The following CCNY variants were observed in gnomAD, a reference collection of about 807,000 sequenced individuals.
The protein encoded by CCNY is cyclin-Y.
A neutral mutation model predicts 42.8 loss-of-function variants in CCNY; 19 were observed. That is an observed-to-expected ratio of 0.44 (90% CI 0.31 to 0.65). CCNY has a LOEUF of 0.65. Among genes scored for constraint, CCNY ranks in the 30% least tolerant of loss-of-function variants. The probability of loss-of-function intolerance (pLI) is 0.07; values close to 1 mark genes in which losing one functional copy is unlikely to be tolerated. For missense variants in CCNY, 370 were observed against 437.3 expected, an observed-to-expected ratio of 0.85 and a Z score of 1.37; for synonymous variants, 165 against 162.7, an observed-to-expected ratio of 1.01 and a Z score of -0.11.
rs1197986825 is a variant in CCNY, at chr10:35,524,082, G to A, written c.366-1882G>A. Reference sequence around the variant, plus strand: ...GAAACTAATTCCTCCCTTTCCCAGAGGCTACATGGTCAAAACAGAAGGGCA... The same window carrying A: ...GAAACTAATTCCTCCCTTTCCCAGAAGCTACATGGTCAAAACAGAAGGGCA... On this transcript the variant is annotated intron_variant, in intron 4 of 9. Coordinates refer to ENST00000374704, the MANE Select transcript of CCNY (RefSeq NM_145012.6). Among the ~76,000 whole-genome samples the A allele has an allele frequency of 3.9e-5, 6 of 152,288 alleles. No individual in the cohort carries two copies. In the East Asian group the frequency reaches 1.2e-3, roughly 29 times the overall value.
chr10:35,259,652 A>G (rs4579882), intron 3 of CCNY, among the ~76,000 whole-genome samples: 54,636 of 146,112 alleles, frequency 0.37, 10,560 homozygotes, highest in African/African-American at 0.5. Context: ...ACAGACACAC[A>G]CCATCATGCC....
At chr10:35,546,267 A>C (rs556426491) in intron 7 of CCNY, among the ~76,000 whole-genome samples, 1 of 152,366 alleles carries the variant, frequency 6.6e-6, no homozygotes, top group East Asian at 1.9e-4. Context: ...TAATTTCAGC[A>C]TCATTGGGAT....
intron 1 of CCNY, among the ~76,000 whole-genome samples, chr10:35,371,458 A>G (rs1000797438): frequency 6.6e-6 from 1 of 152,114 alleles, no homozygotes; most frequent in Non-Finnish European, 1.5e-5. Flanking sequence ...CACTCCTTTG[A>G]ACAAGTCACT....
At chr10:35,544,386 CAT>C (rs1427567199) in intron 7 of CCNY, among the ~76,000 whole-genome samples, 3 of 152,306 alleles carry the variant, frequency 2.0e-5, no homozygotes, top group African/African-American at 7.2e-5. Context: ...TCAGTACAGT[CAT>C]GTGCTATACA....
chr10:35,353,048 C>T (rs1291281076), intron 1 of CCNY, among the ~76,000 whole-genome samples: 1 of 152,166 alleles, frequency 6.6e-6, no homozygotes, highest in Non-Finnish European at 1.5e-5. Flanking sequence ...GCTTTAGCCT[C>T]CCGAGTAGCT....
intron 1 of CCNY, among the ~76,000 whole-genome samples, chr10:35,377,162 AT>A (rs1837070721): frequency 6.6e-6 from 1 of 152,150 alleles, no homozygotes; most frequent in South Asian, 2.1e-4. Context: ...TTTTAAAAAA[AT>A]ATATATTTAG....
intron 7 of CCNY, among the ~76,000 whole-genome samples, chr10:35,532,434 G>A (rs1468270462): frequency 6.6e-6 from 1 of 152,250 alleles, no homozygotes; most frequent in African/African-American, 2.4e-5. Flanking sequence ...GCAGCCTGCT[G>A]TGGACAGAGA....
chr10:35,392,108 G>A (rs1456937479), intron 1 of CCNY, among the ~76,000 whole-genome samples: 1 of 152,192 alleles, frequency 6.6e-6, no homozygotes, highest in South Asian at 2.1e-4. Flanking sequence ...TAGAAGATAT[G>A]TAACTACAAG....
At chr10:35,399,997 A>T (rs555289945) in intron 1 of CCNY, among the ~76,000 whole-genome samples, 1 of 152,084 alleles carries the variant, frequency 6.6e-6, no homozygotes, top group African/African-American at 2.4e-5. Flanking sequence ...TCCAGTTTAC[A>T]TGGGGACTCA....
chr10:35,426,693 G>A (rs1322399331), intron 1 of CCNY, among the ~76,000 whole-genome samples: 1 of 152,218 alleles, frequency 6.6e-6, no homozygotes, highest in Non-Finnish European at 1.5e-5. Flanking sequence ...TGACTTTAAA[G>A]CCAATATCTA....
intron 3 of CCNY, among the ~76,000 whole-genome samples, chr10:35,251,645 G>A (rs1390591650): frequency 6.6e-6 from 1 of 150,572 alleles, no homozygotes; most frequent in Non-Finnish European, 1.5e-5. Flanking sequence ...CTGGAAGACA[G>A]TGGTACAATC....
intron 3 of CCNY, among the ~76,000 whole-genome samples, chr10:35,504,846 A>G (rs1314444718): frequency 2.6e-5 from 4 of 152,152 alleles, no homozygotes; most frequent in Non-Finnish European, 4.4e-5. Context: ...TATGTTGGCC[A>G]GGCTGGTCTT....
At position 35,408,956 on chromosome 10, in the gene CCNY, T is replaced by G. The variant is rs189762275; in HGVS notation, c.154+71749T>G. Among the ~76,000 whole-genome samples, 288 of 152,194 alleles carry G rather than the reference T, an allele frequency of 1.9e-3. 2 individuals are homozygous for G. The highest frequency in any genetic ancestry group is 6.6e-3 in the African/African-American group (275 of 41,526). On this transcript the variant is annotated intron_variant, in intron 1 of 9. Coordinates refer to ENST00000374704, the MANE Select transcript of CCNY (RefSeq NM_145012.6). ...CTGCTCAATTCTTGTTTTTGTTTTT[T>G]TTTTTTCATTCTAGTTATGAAGAAA...
At chr10:35,471,250 A>ATGCGAGGGGCT in intron 1 of CCNY, among the ~76,000 whole-genome samples, 1 of 152,002 alleles carries the variant, frequency 6.6e-6, no homozygotes, top group African/African-American at 2.4e-5. Context: ...AGAAAGGGGG[A>ATGCGAGGGGCT]TGCGAGGGGC....
intron 1 of CCNY, among the ~76,000 whole-genome samples, chr10:35,394,034 T>G (rs1837471699): frequency 6.6e-6 from 1 of 152,240 alleles, no homozygotes; most frequent in Non-Finnish European, 1.5e-5. Context: ...GAGTTGAGCC[T>G]TTCTTTGCCA....
At chr10:35,490,261 A>T (rs1233727638) in intron 2 of CCNY, among the ~76,000 whole-genome samples, 1 of 152,252 alleles carries the variant, frequency 6.6e-6, no homozygotes, top group African/African-American at 2.4e-5. Context: ...CAGGCATCAT[A>T]GTCAATCCAG....
rs564899594 is a variant in CCNY at position 35,538,570 on chromosome 10, G to C, written c.579+8327G>C. Among the ~76,000 whole-genome samples, 5 of 152,074 alleles carry C rather than the reference G, an allele frequency of 3.3e-5. No individual in the cohort carries two copies. The South Asian group carries it at 1.0e-3, about 32-fold the overall frequency. On this transcript the variant is annotated intron_variant, in intron 7 of 9. Transcript: ENST00000374704. The stretch of plus-strand genomic sequence containing the variant: ...TTGCATTTCCCTGAGGATTAATGAC[G>C]GTTGAACATCTTTTCATGTGTTTAT...
intron 3 of CCNY, among the ~76,000 whole-genome samples, chr10:35,283,439 C>A (rs145122741): frequency 6.6e-6 from 1 of 151,118 alleles, no homozygotes; most frequent in Non-Finnish European, 1.5e-5. Context: ...CTCGCTCTGT[C>A]GCCCAGGCTG....
intron 2 of CCNY, among the ~76,000 whole-genome samples, chr10:35,487,767 G>C (rs1049088452): frequency 1.3e-5 from 2 of 152,122 alleles, no homozygotes; most frequent in Non-Finnish European, 2.9e-5. Flanking sequence ...CACACAAAGA[G>C]GATGACATTG....
Sources: allele counts gnomAD v4.1 joint callset (sites outside exome capture counted in the v4.1 genomes callset), GRCh38; gene constraint gnomAD v4.1.1; transcripts MANE v1.5; gene names NCBI Gene and HGNC (gene_info 2026-07-23, HGNC 2026-07-21).